DPP6: variants seen among roughly 807,000 people sequenced by gnomAD.
The protein encoded by DPP6 is dipeptidyl peptidase like 6, also known as A-type potassium channel modulatory protein DPP6.
In DPP6, 69 loss-of-function variants were observed where a neutral mutation model predicts 122.6. That is an observed-to-expected ratio of 0.56 (90% CI 0.46 to 0.69). The LOEUF is 0.69. DPP6 is among the 30% of genes least tolerant of loss of function. The probability of loss-of-function intolerance (pLI) is 0.00; values close to 1 mark genes in which losing one functional copy is unlikely to be tolerated. For missense variants in DPP6, 928 were observed against 1,116.9 expected (o/e 0.83, Z 2.41); for synonymous variants, 418 against 433.1 (o/e 0.97, Z 0.43).
rs75113030 is a variant in DPP6 at position 154,243,228 on chromosome 7, A to T, written c.243+190165A>T. ...ATAGTATCCAGAATAAAATTTTTTT[A>T]AAAAATTGCTAGAGTTTCAAAGAAA... On this transcript the variant is annotated intron_variant, in intron 1 of 25. Transcript: ENST00000377770. Among the ~76,000 whole-genome samples, 9 of 152,296 alleles carry T rather than the reference A, an allele frequency of 5.9e-5. No individual in the cohort carries two copies. The East Asian group carries it at 1.2e-3, about 20-fold the overall frequency.
chr7:154,629,532 A>T (rs1236729903), intron 5 of DPP6, among the ~76,000 whole-genome samples: 1 of 151,848 alleles, frequency 6.6e-6, no homozygotes, highest in Non-Finnish European at 1.5e-5. Flanking sequence ...GTGTTTCTTT[A>T]ACTGTGTATG....
intron 1 of DPP6, among the ~76,000 whole-genome samples, chr7:154,177,126 A>G (rs1396568523): frequency 6.6e-6 from 1 of 152,042 alleles, no homozygotes; most frequent in East Asian, 1.9e-4. Flanking sequence ...GAGTCACTGC[A>G]CCCAGCCAAA....
intron 7 of DPP6, among the ~76,000 whole-genome samples, chr7:154,690,011 C>T (rs1282611201): frequency 6.6e-6 from 1 of 152,122 alleles, no homozygotes; most frequent in Non-Finnish European, 1.5e-5. Context: ...CCCTTTTATT[C>T]TTTTCTCACT....
At chr7:154,196,971 C>G (rs779280619) in intron 1 of DPP6, among the ~76,000 whole-genome samples, 18 of 152,048 alleles carry the variant, frequency 1.2e-4, no homozygotes, top group Non-Finnish European at 2.4e-4. Flanking sequence ...GTAAAATCTC[C>G]CTTCTCCTCT....
chr7:154,161,187 G>T (rs1796961568), intron 1 of DPP6, among the ~76,000 whole-genome samples: 1 of 152,258 alleles, frequency 6.6e-6, no homozygotes, highest in Non-Finnish European at 1.5e-5. Context: ...GTTTGCTTTT[G>T]GTGTTATGTT....
At chr7:154,216,904 A>T (rs1800035874) in intron 1 of DPP6, among the ~76,000 whole-genome samples, 1 of 132,030 alleles carries the variant, frequency 7.6e-6, no homozygotes, top group Non-Finnish European at 1.6e-5. Flanking sequence ...TGATGTAGAG[A>T]TTTAACTGTG....
intron 1 of DPP6, among the ~76,000 whole-genome samples, chr7:154,387,048 G>T (rs1357423330): frequency 6.6e-6 from 1 of 152,164 alleles, no homozygotes; most frequent in Non-Finnish European, 1.5e-5. Context: ...ACAGCATGTG[G>T]ACCTGGAAGA....
intron 1 of DPP6, among the ~76,000 whole-genome samples, chr7:154,013,735 C>T (rs908403347): frequency 6.6e-6 from 1 of 152,070 alleles, no homozygotes; most frequent in Non-Finnish European, 1.5e-5. Context: ...AGCTTCCTGT[C>T]TTGATTGGCA....
chr7:153,756,845 AT>A, the DPP6 span, among the ~76,000 whole-genome samples: 1 of 151,740 alleles, frequency 6.6e-6, no homozygotes, highest in South Asian at 2.1e-4. Context: ...GATTTTTAAA[AT>A]TTTAATTGTC....
At chr7:154,401,933 C>T (rs1207741711) in intron 1 of DPP6, among the ~76,000 whole-genome samples, 5 of 152,158 alleles carry the variant, frequency 3.3e-5, no homozygotes, top group African/African-American at 4.8e-5. Context: ...AAAAATTGGG[C>T]AAAGGACATG....
intron 6 of DPP6, among the ~76,000 whole-genome samples, chr7:154,653,268 G>A (rs1055359070): frequency 1.3e-5 from 2 of 152,220 alleles, no homozygotes; most frequent in East Asian, 3.9e-4. Context: ...GTAGGAGGAT[G>A]GCTTGAGACC....
At chr7:154,886,821 C>A (rs1806189682) in intron 22 of DPP6, among the ~76,000 whole-genome samples, 1 of 152,298 alleles carries the variant, frequency 6.6e-6, no homozygotes, top group South Asian at 2.1e-4. Context: ...CACGGTGGGC[C>A]CAGCAGCCTC....
At chr7:154,622,617 A>T (rs1157977068) in intron 5 of DPP6, among the ~76,000 whole-genome samples, 3 of 152,144 alleles carry the variant, frequency 2.0e-5, no homozygotes, top group African/African-American at 7.2e-5. Context: ...TCTACCAAAC[A>T]TCCCCGTCTC....
chr7:154,391,298 G>A (rs1188757308), intron 1 of DPP6, among the ~76,000 whole-genome samples: 1 of 151,886 alleles, frequency 6.6e-6, no homozygotes. Context: ...GCAGTTGATC[G>A]GTAATTTCCA....
intron 1 of DPP6, among the ~76,000 whole-genome samples, chr7:154,180,731 C>A (rs921069155): frequency 1.3e-5 from 2 of 151,628 alleles, no homozygotes; most frequent in African/African-American, 4.8e-5. Context: ...TAAAAAAATT[C>A]TTGCTAGGAA....
chr7:154,251,260 G>C (rs1802332819), intron 1 of DPP6, among the ~76,000 whole-genome samples: 1 of 152,158 alleles, frequency 6.6e-6, no homozygotes, highest in Non-Finnish European at 1.5e-5. Flanking sequence ...TTATTTCAGA[G>C]GAAGAGCTAC....
chr7:153,813,668 C>T, the DPP6 span, among the ~76,000 whole-genome samples: 4 of 152,076 alleles, frequency 2.6e-5, no homozygotes, highest in Non-Finnish European at 5.9e-5. Flanking sequence ...CCTATTTCTT[C>T]ACATCCTCTC....
intron 1 of DPP6, chr7:154,305,448 C>A: frequency 6.5e-7 from 1 of 1,543,452 alleles, no homozygotes; most frequent in Non-Finnish European, 8.8e-7. Context: ...TCCCAACTCG[C>A]CGTCAGACCC....
At chr7:154,844,097 C>T (rs1801771391) in intron 16 of DPP6, among the ~76,000 whole-genome samples, 1 of 152,204 alleles carries the variant, frequency 6.6e-6, no homozygotes, top group Non-Finnish European at 1.5e-5. Context: ...TAAGGTTTAG[C>T]CACAAGAATC....
Sources: allele counts gnomAD v4.1 joint callset (sites outside exome capture counted in the v4.1 genomes callset), GRCh38; gene constraint gnomAD v4.1.1; transcripts MANE v1.5; gene names NCBI Gene and HGNC (gene_info 2026-07-23, HGNC 2026-07-21).